The following UBQLN4 variants were observed in gnomAD, a reference collection of about 807,000 sequenced individuals.
The protein encoded by UBQLN4 is ubiquilin 4.
In UBQLN4, 11 loss-of-function variants were observed where a neutral mutation model predicts 60.4. That is an observed-to-expected ratio of 0.18 (90% CI 0.11 to 0.30). The LOEUF (loss-of-function observed/expected upper bound fraction) is 0.30. Ranked by LOEUF, UBQLN4 falls within the 10% of genes least tolerant of loss-of-function variation. The pLI, the probability that UBQLN4 is intolerant of heterozygous loss-of-function variation, is 1.00. For synonymous variants in UBQLN4, 258 were observed against 313.1 expected, an observed-to-expected ratio of 0.82 and a Z score of 1.86; for missense variants, 417 against 795.5, an observed-to-expected ratio of 0.52 and a Z score of 5.72.
chr1:156,035,776 C>G lies in UBQLN4; in HGVS notation c.*1202G>C. The G allele has an allele frequency of 3.0e-6, 3 of 985,542 alleles. No individual in the cohort carries two copies. The highest frequency in any genetic ancestry group is 3.6e-6 in the Non-Finnish European group (3 of 829,958). 61.0% of individuals were successfully genotyped at this position (985,542 alleles called of 1,614,324 possible). A position where few individuals can be genotyped will look rare whatever the true frequency, so the allele number is the denominator to read the frequency against. On this transcript the variant is annotated 3_prime_UTR_variant, in exon 11 of 11. Transcript: ENST00000368309. The stretch of plus-strand genomic sequence containing the variant: ...CCCAGCATCCAGAGCCCCAAGGGAC[C>G]TAGCTCTCCCGGATATATATTCCTG...
At chr1:156,049,636 G>A (rs1683811216) in intron 4 of UBQLN4, among the ~76,000 whole-genome samples, 1 of 152,120 alleles carries the variant, frequency 6.6e-6, no homozygotes, top group African/African-American at 2.4e-5. Flanking sequence ...TGACTACCAC[G>A]CACCAGGCAC....
At chr1:156,034,336 GCC>G, downstream of UBQLN4, among the ~76,000 whole-genome samples, 1 of 122,092 alleles carries the variant, frequency 8.2e-6, no homozygotes, top group East Asian at 2.4e-4. Flanking sequence ...TTGCTCTGTC[GCC>G]CCCAGGCTAG....
rs766094535 is a variant in UBQLN4 at position 156,041,874 on chromosome 1, G to T, written c.1464C>A (p.Pro488=). 1.9e-6 allele frequency: 3 copies of T among 1,609,894 alleles called. No individual in the cohort carries two copies. The Admixed American group carries it at 5.1e-5, about 28-fold the overall frequency. The change falls in exon 9 of 11, where the codon CCC becomes CCA. Residue 488 remains proline (P), a splice_region_variant and synonymous_variant. Transcript: ENST00000368309. ...CCCTCCTGCCCCCCTACCCTCACCT[G>T]GGTACCAGCCCAGGGGCCTCGGTCT... The part of the protein sequence containing the change: ...TLQTEAPGLV[P]SLGSFGISRT...
chr1:156,043,055 G>C, intron 6 of UBQLN4, 142 bp from the exon 7 acceptor site: 1 of 1,167,802 alleles, frequency 8.6e-7, no homozygotes, highest in Non-Finnish European at 1.2e-6. Flanking sequence ...CCCTAGGATT[G>C]TGGCATGAGT....
rs1420544305 is a variant in UBQLN4, at chr1:156,050,941, C to T, written c.478+169G>A. Among the ~76,000 whole-genome samples, 2 of 152,152 alleles carry T rather than the reference C, an allele frequency of 1.3e-5. No homozygotes were observed. Among genetic ancestry groups the T allele is most frequent in the Non-Finnish European group, 2.9e-5 (2 of 68,034 alleles). ...ATGGTCCCCACCTCTGAGAACTCCT[C>T]AGACTAGTTTCTTCCCCAGCTTGAC... On this transcript the variant is annotated intron_variant, in intron 3 of 10. Coordinates refer to ENST00000368309, the MANE Select transcript of UBQLN4 (RefSeq NM_020131.5). The surrounding 1 kb of genome is among the most constrained non-coding windows in gnomAD (Gnocchi z 4.6).
At chr1:156,034,871 A>ATATAT (rs60215858), downstream of UBQLN4, among the ~76,000 whole-genome samples, 1,093 of 69,234 alleles carry the variant, frequency 0.016, no homozygotes, top group Non-Finnish European at 0.019. Flanking sequence ...ATATATATAT[A>ATATAT]ATTTTTTTTT....
intron 5 of UBQLN4, among the ~76,000 whole-genome samples, chr1:156,045,053 A>T (rs1259815880): frequency 3.3e-5 from 5 of 152,126 alleles, no homozygotes; most frequent in African/African-American, 1.2e-4. Context: ...AGCACCTAGC[A>T]CAGAGCTCTG....
rs149172974 is a variant in UBQLN4 at position 156,036,984 on chromosome 1, G to C, written c.1800C>G (p.Leu600=). 1 of 1,613,946 alleles carries C rather than the reference G, an allele frequency of 6.2e-7. No individual in the cohort carries two copies. Among genetic ancestry groups the C allele is most frequent in the Non-Finnish European group, 8.5e-7 (1 of 1,179,908 alleles). Residue 600 remains leucine, a synonymous_variant, in exon 11 of 11, where the codon CTC becomes CTG. Transcript: ENST00000368309. The stretch of plus-strand genomic sequence containing the variant: ...GGAGGCATGGGCCGAGGGATTAGGA[G>C]AGCTGGGAGCCCAGCAGTCTCTCGA... ...AAIERLLGSQ[L]S is the part of the protein sequence containing the mutation.
rs1683639272 is a variant in UBQLN4, at chr1:156,044,123, C to T, written c.1001G>A (p.Ser334Asn). 6.3e-7 allele frequency: 1 copy of T among 1,587,450 alleles called. No individual in the cohort carries two copies. Among genetic ancestry groups the T allele is most frequent in the Non-Finnish European group, 8.6e-7 (1 of 1,167,238 alleles). The change falls in exon 6 of 11, where the codon AGC becomes AAC. Residue 334 changes from serine to asparagine, a missense_variant. Physicochemically the swap from Ser to Asn is conservative, Grantham distance 46. Coordinates refer to ENST00000368309, the MANE Select transcript of UBQLN4 (RefSeq NM_020131.5). ...ENREPLPNPW[S>N]PSPPTSQAPG... ...GGCCTGGGAGGTGGGGGGCGAGGGG[C>T]TCCAGGGGTTAGGGAGGGGCTCTCG... is the stretch of plus-strand genomic sequence containing the variant.
chr1:156,039,811 C>T (rs907957786), intron 10 of UBQLN4, among the ~76,000 whole-genome samples: 2 of 151,458 alleles, frequency 1.3e-5, no homozygotes. Context: ...GTGGTGGGCG[C>T]CTTTAGTCCC....
chr1:156,042,645 C>CT, intron 7 of UBQLN4, 129 bp downstream of exon 7: 1 of 1,386,560 alleles, frequency 7.2e-7, no homozygotes, highest in Non-Finnish European at 9.7e-7. Context: ...ACTCACACAG[C>CT]TGGGAAGCAG....
At chr1:156,040,267 G>A (rs1387976488) in intron 10 of UBQLN4, among the ~76,000 whole-genome samples, 2 of 151,568 alleles carry the variant, frequency 1.3e-5, no homozygotes, top group African/African-American at 2.4e-5. Flanking sequence ...GTGGTGGCGC[G>A]TGCCTGTAAT....
downstream of UBQLN4, among the ~76,000 whole-genome samples, chr1:156,033,845 GA>G (rs1225457553): frequency 7.7e-5 from 9 of 117,150 alleles, no homozygotes; most frequent in Middle Eastern, 4.3e-3. Context: ...ACTCCATCTT[GA>G]AAAAAAAAAC....
intron 5 of UBQLN4, among the ~76,000 whole-genome samples, chr1:156,045,724 T>C (rs1211880935): frequency 6.6e-6 from 1 of 152,262 alleles, no homozygotes; most frequent in East Asian, 1.9e-4. Flanking sequence ...AGCTGTCTTG[T>C]AGTAAGCTAG....
downstream of UBQLN4, among the ~76,000 whole-genome samples, chr1:156,033,814 A>G (rs1318907758): frequency 2.0e-5 from 3 of 150,926 alleles, no homozygotes; most frequent in African/African-American, 7.3e-5. Flanking sequence ...ACTGCACTCT[A>G]GCCTGGGTGA....
intron 10 of UBQLN4, 81 bp from the exon 11 acceptor site, chr1:156,037,211 A>T: frequency 6.6e-7 from 1 of 1,517,806 alleles, no homozygotes; most frequent in Non-Finnish European, 8.9e-7. Context: ...TAAGACCAGC[A>T]GGTCTTCTCT....
At chr1:156,053,221 T>C (rs573311631) in intron 1 of UBQLN4, among the ~76,000 whole-genome samples, 1 of 152,048 alleles carries the variant, frequency 6.6e-6, no homozygotes, top group African/African-American at 2.4e-5. Flanking sequence ...AGGCACAGAG[T>C]AGGCGCCGGC....
intron 5 of UBQLN4, among the ~76,000 whole-genome samples, chr1:156,045,955 C>G (rs1334759592): frequency 6.6e-6 from 1 of 151,856 alleles, no homozygotes; most frequent in African/African-American, 2.4e-5. Flanking sequence ...AAGCAATTCT[C>G]TTGCCTCAGC....
chr1:156,053,552 C>G, intron 1 of UBQLN4, 42 bp downstream of exon 1: 17 of 1,095,346 alleles, frequency 1.6e-5, no homozygotes, highest in Non-Finnish European at 2.0e-5. Flanking sequence ...TCTTCGCAGA[C>G]CCCTCCTCCG....
Sources: gnomAD v4.1 joint callset for allele counts (sites outside exome capture counted in the v4.1 genomes callset) on GRCh38, gnomAD v4.1.1 for gene constraint, Gnocchi (gnomAD v3.1) non-coding constraint, MANE v1.5 for transcripts, NCBI Gene and HGNC (gene_info 2026-07-23, HGNC 2026-07-21) for gene names.